Variants in PLCB3 observed in about 807,000 individuals in gnomAD.
PLCB3 encodes phospholipase C beta 3, also known as 1-phosphatidylinositol 4,5-bisphosphate phosphodiesterase beta-3.
PLCB3 carries 54 observed loss-of-function variants against 152.1 expected under a neutral mutation model. The observed-to-expected ratio is 0.36, with a 90% CI of 0.29 to 0.45. The LOEUF is 0.45. Among genes scored for constraint, PLCB3 ranks in the 20% least tolerant of loss-of-function variants. The probability of loss-of-function intolerance (pLI) is 1.00; values close to 1 mark genes in which losing one functional copy is unlikely to be tolerated. For synonymous variants in PLCB3, 717 were observed against 698.7 expected, an observed-to-expected ratio of 1.03 and a Z score of -0.41; for missense variants, 1,248 against 1,687.5, an observed-to-expected ratio of 0.74 and a Z score of 4.56.
chr11:64,264,848 G>A lies in PLCB3; in HGVS notation c.2653-103G>A, dbSNP rs553239403. On this transcript the variant is annotated intron_variant, in intron 22 of 30. Transcript: ENST00000279230. ...GCAGTCCAGCAGTGGCTTGGACTAA[G>A]GGAGGCTGACAGGGGTGCTAGGGGA... is the stretch of plus-strand genomic sequence containing the variant. 19 of 1,071,894 alleles carry A rather than the reference G, an allele frequency of 1.8e-5. No homozygotes were observed. In the African/African-American group the frequency reaches 2.5e-4, roughly 14 times the overall value. The allele number at this position is 1,071,894 out of a possible 1,614,324, so 66.4% of individuals were successfully genotyped here.
In PLCB3 at chr11:64,254,831, T is replaced by C. The variant is rs183297245; in HGVS notation, c.246+15T>C. On this transcript the variant is annotated intron_variant, in intron 3 of 30. Transcript: ENST00000279230. ...GCCTGCCCAAGGTGAGTGATGAGCCTGGGAGTGAAGACCACAGCGAGGCTG... is the reference window on the plus strand; with the variant it reads ...GCCTGCCCAAGGTGAGTGATGAGCCCGGGAGTGAAGACCACAGCGAGGCTG... 1.1e-5 allele frequency: 18 copies of C among 1,613,880 alleles called. No individual in the cohort carries two copies. In the African/African-American group the frequency reaches 2.3e-4, roughly 20 times the overall value.
At position 64,262,381 on chromosome 11, in the gene PLCB3, T is replaced by C. The variant is rs760642367; in HGVS notation, c.2039-26T>C. The C allele has an allele frequency of 5.0e-6, 8 of 1,607,424 alleles. No individual in the cohort carries two copies. In the Admixed American group the frequency reaches 1.3e-4, roughly 27 times the overall value. On this transcript the variant is annotated intron_variant, in intron 17 of 30. Transcript: ENST00000279230. ...CACCGTCCTGCCTGATCCCTGCCCC[T>C]GCTCGACGTGCCCGTGGCACCCCAG...
At chr11:64,256,871 C>T in intron 10 of PLCB3, 107 bp downstream of exon 10, 1 of 1,268,206 alleles carries the variant, frequency 7.9e-7, no homozygotes, top group Non-Finnish European at 1.1e-6. Context: ...CATTCATTGG[C>T]CAGTGCTGGG....
intron 16 of PLCB3, 43 bp from the exon 17 acceptor site, chr11:64,261,909 G>T (rs2031872154): frequency 1.9e-6 from 3 of 1,611,878 alleles, no homozygotes; most frequent in Middle Eastern, 1.7e-4. Flanking sequence ...AGGCTGATGG[G>T]GTGGGCCCTG....
In PLCB3 at chr11:64,254,461, GCTT is replaced by G. The variant is rs1265913117; in HGVS notation, c.153_155del (p.Phe51del). The G allele has an allele frequency of 1.9e-6, 3 of 1,613,998 alleles. No homozygotes were observed. The highest frequency in any genetic ancestry group is 2.5e-6 in the Non-Finnish European group (3 of 1,179,996). On this transcript the variant is annotated inframe_deletion, in exon 2 of 31. Transcript: ENST00000279230. The stretch of plus-strand genomic sequence containing the variant: ...GTGACCCTGCGTGTGGACCCCAATG[GCTT>G]CTTCTTGTACTGGACGGGCCCCAAC...
Position 64,258,631 on chromosome 11 carries a change from G to A in PLCB3, c.1171G>A (p.Asp391Asn), listed in dbSNP as rs758548996. The A allele has an allele frequency of 1.4e-5, 23 of 1,613,876 alleles. No homozygotes were observed. The highest frequency in any genetic ancestry group is 1.6e-4 in the Middle Eastern group (1 of 6,084). ...CATGACCACAGAGGTGCCTCTGCGC[G>A]ACGTGCTGGAGGCCATTGCCGAGAC... ...FTMTTEVPLR[D>N]VLEAIAETAF... Residue 391 changes from aspartate (D) to asparagine (N), a missense_variant, in exon 11 of 31, where the codon GAC (aspartate) becomes AAC (asparagine). Physicochemically the swap from Asp to Asn is conservative, Grantham distance 23. Around this residue, in one of 6 missense-constraint regions of PLCB3, gnomAD observed 122 missense variants for 221.8 expected, o/e 0.55. Coordinates refer to ENST00000279230, the MANE Select transcript of PLCB3 (RefSeq NM_000932.5). The surrounding 1 kb of genome is among the most constrained non-coding windows in gnomAD (Gnocchi z 7.2).
At position 64,267,518 on chromosome 11, in the gene PLCB3, G is replaced by A. The variant is rs765843635; in HGVS notation, c.3667G>A (p.Ala1223Thr). ...CGGGAGCAGCGGGCACCTGTCGGGC[G>A]CTGACTCGGAGAGCCAGGAGGAGAA... ...APGSSGHLSG[A>T]DSESQEENTQ... The change falls in exon 31 of 31, where the codon GCT becomes ACT. Residue 1223 changes from alanine to threonine, a missense_variant. Coordinates refer to ENST00000279230, the MANE Select transcript of PLCB3 (RefSeq NM_000932.5). The surrounding 1 kb of genome is among the most constrained non-coding windows in gnomAD (Gnocchi z 5.2). 22 of 1,568,552 alleles carry A rather than the reference G, an allele frequency of 1.4e-5. No homozygotes were observed. The highest frequency in any genetic ancestry group is 3.4e-4 in the Middle Eastern group (2 of 5,866).
intron 10 of PLCB3, among the ~76,000 whole-genome samples, chr11:64,257,164 C>G (rs2031586233): frequency 6.6e-6 from 1 of 152,086 alleles, no homozygotes; most frequent in South Asian, 2.1e-4. Context: ...GCCACCACGC[C>G]CGGCTAATTT....
In PLCB3 at chr11:64,255,633, C is replaced by CCG; in HGVS notation, c.597+17_597+18insCG. 6 of 1,168,700 alleles carry CCG rather than the reference C, an allele frequency of 5.1e-6. No individual in the cohort carries two copies. The highest frequency in any genetic ancestry group is 7.4e-6 in the Non-Finnish European group (6 of 813,334). The allele number at this position is 1,168,700 out of a possible 1,614,324, so 72.4% of individuals were successfully genotyped here. The stretch of plus-strand genomic sequence containing the variant: ...TTCAACCGGGTGTGTGGGGTGGGGA[C>CCG]AGGGGCGGGGTGGGGTGTCACGGTG... On this transcript the variant is annotated intron_variant, in intron 7 of 30. Transcript: ENST00000279230. The surrounding 1 kb of genome is among the most constrained non-coding windows in gnomAD (Gnocchi z 6.8).
chr11:64,264,640 G>A (rs1046388780), intron 22 of PLCB3, among the ~76,000 whole-genome samples: 6 of 152,206 alleles, frequency 3.9e-5, no homozygotes, highest in African/African-American at 1.4e-4. Context: ...CAAGGCTGGG[G>A]GACACAGGCA....
chr11:64,261,450 C>A lies in PLCB3; in HGVS notation c.1782C>A (p.Val594=), dbSNP rs765291920. ...CCACTGAGGAGATGTCCACGCTTGTCAACTACATCGAACCTGTCAAGTTCA... is the reference window on the plus strand; with the variant it reads ...CCACTGAGGAGATGTCCACGCTTGTAAACTACATCGAACCTGTCAAGTTCA... ...VNATEEMSTL[V]NYIEPVKFKS... is the part of the protein sequence containing the mutation. The change falls in exon 15 of 31, where the codon GTC becomes GTA. Residue 594 remains valine, a synonymous_variant. Transcript: ENST00000279230. 45 of 1,614,028 alleles carry A rather than the reference C, an allele frequency of 2.8e-5. No individual in the cohort carries two copies. Among genetic ancestry groups the A allele is most frequent in the Non-Finnish European group, 3.7e-5 (44 of 1,180,002 alleles).
Position 64,256,601 on chromosome 11 carries a change from A to T in PLCB3, c.866-17A>T, listed in dbSNP as rs571762362. On this transcript the variant is annotated splice_polypyrimidine_tract_variant and intron_variant, in intron 9 of 30. Transcript: ENST00000279230. ...GGTGGGACCCCAGCTGACCCTGCTG[A>T]TCCTCTCCCACCCCAGACCAGATGT... The T allele has an allele frequency of 6.2e-7, 1 of 1,613,748 alleles. No individual in the cohort carries two copies. The highest frequency in any genetic ancestry group is 1.3e-5 in the African/African-American group (1 of 75,040).
chr11:64,263,461 G>A, intron 19 of PLCB3, 37 bp from the exon 20 acceptor site: 1 of 1,393,378 alleles, frequency 7.2e-7, no homozygotes, highest in Non-Finnish European at 9.9e-7. Flanking sequence ...AGTGGCCCAG[G>A]GTCAGCCCTG....
intron 1 of PLCB3, among the ~76,000 whole-genome samples, chr11:64,253,076 C>A (rs2031321383): frequency 6.6e-6 from 1 of 152,206 alleles, no homozygotes; most frequent in African/African-American, 2.4e-5. Flanking sequence ...CAGATGAACG[C>A]CCATCTTTTG....
At chr11:64,253,039 C>T (rs982125204) in intron 1 of PLCB3, among the ~76,000 whole-genome samples, 1 of 152,214 alleles carries the variant, frequency 6.6e-6, no homozygotes, top group Non-Finnish European at 1.5e-5. Flanking sequence ...GCCCATGCAT[C>T]CCCAAATTTT....
chr11:64,261,340 G>A, intron 14 of PLCB3, 60 bp from the exon 15 acceptor site: 1 of 1,235,608 alleles, frequency 8.1e-7, no homozygotes, highest in Non-Finnish European at 1.2e-6. Flanking sequence ...TGGGGGGCAG[G>A]TGAGGGAATG....
At chr11:64,256,851 C>T in intron 10 of PLCB3, 87 bp downstream of exon 10, 1 of 1,438,866 alleles carries the variant, frequency 6.9e-7, no homozygotes, top group Non-Finnish European at 9.5e-7. Context: ...GTCCTTTTGG[C>T]CCATTTGCTC....
intron 18 of PLCB3, 35 bp from the exon 19 acceptor site, chr11:64,262,612 C>T (rs939373779): frequency 4.3e-6 from 7 of 1,612,318 alleles, no homozygotes; most frequent in Non-Finnish European, 5.9e-6. Context: ...GCAGGACTCT[C>T]AGCATCCGCC....
chr11:64,251,666 C>A lies in PLCB3; in HGVS notation c.17C>A (p.Pro6His). The change falls in exon 1 of 31, where the codon CCC becomes CAC. Residue 6 changes from proline (P) to histidine (H), a missense_variant. Transcript: ENST00000279230. MAGAQ[P>H]GVHALQLEPP... ...GGCCGGGCCATGGCGGGCGCCCAGC[C>A]CGGCGTCCACGCGCTGCAGTTGGAG... The A allele has an allele frequency of 6.8e-7, 1 of 1,473,056 alleles. No individual in the cohort carries two copies. 91.2% of individuals were successfully genotyped at this position (1,473,056 alleles called of 1,614,324 possible).
Sources: allele counts gnomAD v4.1 joint callset (sites outside exome capture counted in the v4.1 genomes callset), GRCh38; gene constraint gnomAD v4.1.1; regional missense constraint gnomAD v4.1.1; non-coding constraint Gnocchi (gnomAD v3.1); transcripts MANE v1.5; gene names NCBI Gene and HGNC (gene_info 2026-07-23, HGNC 2026-07-21).